RHOT1: variants seen among roughly 807,000 people sequenced by gnomAD.
RHOT1 encodes the protein ras homolog family member T1.
In RHOT1, 27 loss-of-function variants were observed where a neutral mutation model predicts 95.3. The observed-to-expected ratio is 0.28, with a 90% confidence interval of 0.21 to 0.39. The LOEUF (loss-of-function observed/expected upper bound fraction) is 0.39. Among genes scored for constraint, RHOT1 ranks in the 10% least tolerant of loss-of-function variants. The pLI is 1.00. For synonymous variants in RHOT1, 227 were observed against 263.5 expected (o/e 0.86, Z 1.34); for missense variants, 578 against 786.7 (o/e 0.73, Z 3.17).
intron 2 of RHOT1, among the ~76,000 whole-genome samples, chr17:32,171,308 A>G (rs1394770450): frequency 6.6e-6 from 1 of 151,944 alleles, no homozygotes; most frequent in Admixed American, 6.6e-5. Flanking sequence ...GCAACCTCCA[A>G]CTCCTGGACT....
chr17:32,166,189 A>G, intron 1 of RHOT1, among the ~76,000 whole-genome samples: 1 of 145,952 alleles, frequency 6.9e-6, no homozygotes, highest in African/African-American at 2.5e-5. Context: ...CTCTATCTCA[A>G]AAAAAAAAAA....
intron 19 of RHOT1, among the ~76,000 whole-genome samples, chr17:32,215,376 C>T (rs752875160): frequency 1.3e-5 from 2 of 152,142 alleles, no homozygotes; most frequent in African/African-American, 4.8e-5. Context: ...ACCCCACTGT[C>T]CCCTAACCCC....
At chr17:32,144,073 TC>T (rs989167451) in intron 1 of RHOT1, among the ~76,000 whole-genome samples, 1 of 152,242 alleles carries the variant, frequency 6.6e-6, no homozygotes, top group Non-Finnish European at 1.5e-5. Context: ...TTCATGGACT[TC>T]CTTGACAAGG....
At position 32,210,026 on chromosome 17, in the gene RHOT1, A is replaced by G. The variant is rs542592624; in HGVS notation, c.1740-1090A>G. On this transcript the variant is annotated intron_variant, in intron 18 of 19. Coordinates refer to ENST00000545287, the MANE Select transcript of RHOT1 (RefSeq NM_001033566.3). ...ATTCTTGTTTTTCTTCATATTGGGA[A>G]TTAGGCATTATTGGAATGCTGCTAA... Among the ~76,000 whole-genome samples the G allele has an allele frequency of 2.6e-5, 4 of 152,162 alleles. No individual in the cohort carries two copies. In the East Asian group the frequency reaches 7.7e-4, roughly 29 times the overall value.
At position 32,194,037 on chromosome 17, in the gene RHOT1, A is replaced by G. The variant is rs2036688392; in HGVS notation, c.799A>G (p.Thr267Ala). Residue 267 changes from threonine (T) to alanine (A), a missense_variant, in exon 11 of 20, where the codon ACT becomes GCT. Transcript: ENST00000545287. ...TATCCAGAGAGGGAGACACGAAACT[A>G]CTTGGACTGTGCTTCGACGATTTGG... is the stretch of plus-strand genomic sequence containing the variant. ...LFIQRGRHET[T>A]WTVLRRFGYD... is the part of the protein sequence containing the mutation. The G allele has an allele frequency of 1.2e-6, 2 of 1,614,108 alleles. No homozygotes were observed. Among genetic ancestry groups the G allele is most frequent in the Non-Finnish European group, 1.7e-6 (2 of 1,179,976 alleles).
At chr17:32,209,710 G>A (rs1395137567) in intron 18 of RHOT1, 2 of 298,618 alleles carry the variant, frequency 6.7e-6, no homozygotes, top group African/African-American at 2.2e-5. Flanking sequence ...GTGTGTGTGT[G>A]TGTTATATGA....
At chr17:32,155,322 G>T (rs566305677) in intron 1 of RHOT1, among the ~76,000 whole-genome samples, 5 of 151,806 alleles carry the variant, frequency 3.3e-5, no homozygotes, top group Admixed American at 3.3e-4. Flanking sequence ...ACCACGCCTG[G>T]CTAATTTTTT....
chr17:32,182,931 T>A (rs2035754715), intron 7 of RHOT1, 66 bp downstream of exon 7: 1 of 1,020,176 alleles, frequency 9.8e-7, no homozygotes, highest in South Asian at 1.5e-5. Context: ...GGGTTTTAAA[T>A]AGGGGGGACA....
chr17:32,175,331 G>A lies in RHOT1; in HGVS notation c.191G>A (p.Ser64Asn). ...CTGTCATTTGTAGAAGCAGAACAGA[G>A]TGATGAACAACTTCATCAAGAAATA... is the stretch of plus-strand genomic sequence containing the variant. ...HIVDYSEAEQ[S>N]DEQLHQEISQ... The change falls in exon 4 of 20, where the codon AGT (serine) becomes AAT (asparagine). Residue 64 changes from serine to asparagine, a missense_variant. By Grantham distance (46) the Ser-to-Asn change is conservative. Transcript: ENST00000545287. 6.2e-7 allele frequency: 1 copy of A among 1,613,818 alleles called. No homozygotes were observed. The highest frequency in any genetic ancestry group is 1.7e-4 in the Middle Eastern group (1 of 6,060).
intron 1 of RHOT1, chr17:32,150,313 G>A: frequency 3.5e-6 from 1 of 284,364 alleles, no homozygotes. Flanking sequence ...TAAATTCACT[G>A]TAATCTGTCC....
At chr17:32,173,766 A>G (rs144105816) in intron 2 of RHOT1, 65 bp from the exon 3 acceptor site, 2 of 1,075,054 alleles carry the variant, frequency 1.9e-6, no homozygotes. Context: ...TATATCATCT[A>G]TTACAAGTTT....
intron 16 of RHOT1, among the ~76,000 whole-genome samples, chr17:32,206,441 CTTTTTTTTTTTTTTTTTTTT>C (rs34176535): frequency 6.0e-5 from 4 of 67,008 alleles, no homozygotes; most frequent in Non-Finnish European, 3.0e-5. Context: ...TCTATACTTT[CTTTTTTTTTTTTTTTTTTTT>C]TTTTTTTTGA....
intron 1 of RHOT1, chr17:32,151,381 C>A: frequency 1.6e-6 from 1 of 618,090 alleles, no homozygotes; most frequent in Non-Finnish European, 3.0e-6. Context: ...CACTGCACTC[C>A]AGTTTGGATG....
intron 1 of RHOT1, among the ~76,000 whole-genome samples, chr17:32,148,641 A>G (rs992012398): frequency 3.3e-5 from 5 of 152,222 alleles, no homozygotes; most frequent in Non-Finnish European, 5.9e-5. Flanking sequence ...AGTTAAAAAT[A>G]TAACTCCATA....
rs771975481 is a variant in RHOT1, at chr17:32,208,319, T to G, written c.1739+10T>G. ...CAATGGCCATGTATCCGTAAGTACT[T>G]GCTGTCTTCATTTTCATGTTGCATG... On this transcript the variant is annotated intron_variant, in intron 18 of 19. Transcript: ENST00000545287. The G allele has an allele frequency of 1.2e-6, 2 of 1,610,036 alleles. No homozygotes were observed. Among genetic ancestry groups the G allele is most frequent in the Admixed American group, 3.3e-5 (2 of 60,006 alleles).
chr17:32,198,844 T>A (rs1289233050), intron 11 of RHOT1, 103 bp from the exon 12 acceptor site: 2 of 711,260 alleles, frequency 2.8e-6, no homozygotes, highest in East Asian at 5.4e-5. Context: ...GATATTCTTG[T>A]AAATGGTGTT....
rs1439295869 is a variant in RHOT1 at position 32,189,253 on chromosome 17, C to T, written c.541-2948C>T. ...GACGGAGCTTGCAGTGAGCCGAGAT[C>T]GTGCCACTGCACTCCAGCCTGGGCG... On this transcript the variant is annotated intron_variant, in intron 8 of 19. Transcript: ENST00000545287. Among the ~76,000 whole-genome samples, 10 of 152,154 alleles carry T rather than the reference C, an allele frequency of 6.6e-5. No individual in the cohort carries two copies. The South Asian group carries it at 1.2e-3, about 19-fold the overall frequency.
chr17:32,155,610 A>G (rs2032888007), intron 1 of RHOT1, among the ~76,000 whole-genome samples: 1 of 150,004 alleles, frequency 6.7e-6, no homozygotes, highest in Non-Finnish European at 1.5e-5. Flanking sequence ...TGGCTCAATC[A>G]TGGCTCACTG....
intron 19 of RHOT1, among the ~76,000 whole-genome samples, chr17:32,219,469 A>G (rs1231302778): frequency 6.6e-6 from 1 of 152,174 alleles, no homozygotes; most frequent in African/African-American, 2.4e-5. Flanking sequence ...GAATTAATTA[A>G]AAGTATTTTG....
Sources: allele counts gnomAD v4.1 joint callset (sites outside exome capture counted in the v4.1 genomes callset), GRCh38; gene constraint gnomAD v4.1.1; transcripts MANE v1.5; gene names NCBI Gene and HGNC (gene_info 2026-07-23, HGNC 2026-07-21).